Variants in ZNF514 observed in about 807,000 individuals in gnomAD.
ZNF514 encodes the protein zinc finger protein 514.
In ZNF514, 12 loss-of-function variants were observed where a neutral mutation model predicts 9.7. That is an observed-to-expected ratio of 1.24 (90% confidence interval 0.79 to 2.01). The LOEUF is 2.01. Among genes scored for constraint, ZNF514 ranks in the 30% most tolerant of loss-of-function variants. The pLI is 0.00. For missense variants in ZNF514, 467 were observed against 465.5 expected (o/e 1.00, Z -0.03); for synonymous variants, 158 against 163.7 (o/e 0.97, Z 0.27).
chr2:95,139,506 C>A, the ZNF514 span, among the ~76,000 whole-genome samples: 1 of 152,212 alleles, frequency 6.6e-6, no homozygotes, highest in East Asian at 1.9e-4. Flanking sequence ...TGCATGGGGA[C>A]TGTAGCCCCT....
chr2:95,153,132 C>T lies in ZNF514; in HGVS notation c.121+1G>A, dbSNP rs746730734. On this transcript the variant is annotated splice_donor_variant, in intron 3 of 4. Transcript: ENST00000295208. LOFTEE classifies it high-confidence loss of function. ...GTGGGCTTTGGAGGGCTTGTGCTCA[C>T]CCAGAATGGCCAAGTTCCTGAAGTT... 2.5e-6 allele frequency: 4 copies of T among 1,611,402 alleles called. No homozygotes were observed. In the Admixed American group the frequency reaches 5.0e-5, roughly 20 times the overall value.
the ZNF514 span, among the ~76,000 whole-genome samples, chr2:95,124,943 G>A: frequency 1.3e-5 from 2 of 149,356 alleles, no homozygotes; most frequent in Admixed American, 1.3e-4. Context: ...GTGCAATAGC[G>A]CGATCTCGGC....
In ZNF514 at chr2:95,148,808, C is replaced by T. The variant is rs1673434584; in HGVS notation, c.*474G>A. On this transcript the variant is annotated 3_prime_UTR_variant, in exon 5 of 5. Transcript: ENST00000295208. Reference sequence around the variant, plus strand: ...AAGGCCTTCCTCTATTTCCTGCTTTCATAGGGCCTCTCTCTAGTATGTGTT... The same window carrying T: ...AAGGCCTTCCTCTATTTCCTGCTTTTATAGGGCCTCTCTCTAGTATGTGTT... 1 of 153,644 alleles carries T rather than the reference C, an allele frequency of 6.5e-6. No homozygotes were observed. Among genetic ancestry groups the T allele is most frequent in the Non-Finnish European group, 1.4e-5 (1 of 69,068 alleles). The allele number at this position is 153,644 out of a possible 1,614,324, so 9.5% of individuals were successfully genotyped here. A position where few individuals can be genotyped will look rare whatever the true frequency, so the allele number is the denominator to read the frequency against.
chr2:95,128,159 G>A, the ZNF514 span, among the ~76,000 whole-genome samples: 130 of 152,178 alleles, frequency 8.5e-4, no homozygotes, highest in African/African-American at 2.7e-3. Flanking sequence ...TGGGGAGGCC[G>A]AGATGGGCGG....
At chr2:95,125,665 A>G in the ZNF514 span, among the ~76,000 whole-genome samples, 1 of 152,238 alleles carries the variant, frequency 6.6e-6, no homozygotes, top group Non-Finnish European at 1.5e-5. Context: ...CCATTAAACA[A>G]TAACTCCCCA....
chr2:95,125,378 C>T, the ZNF514 span, among the ~76,000 whole-genome samples: 4 of 151,588 alleles, frequency 2.6e-5, no homozygotes, highest in Admixed American at 6.6e-5. Flanking sequence ...GTAGCTGGGA[C>T]TACAGGCGCC....
Position 95,149,428 on chromosome 2 carries a change from A to T in ZNF514, c.1057T>A (p.Phe353Ile). ...TGAGTGAGAGATGAACTCTGGCTGAAGGCTCTCCCACATTTATTACATTTG... is the reference window on the plus strand; with the variant it reads ...TGAGTGAGAGATGAACTCTGGCTGATGGCTCTCCCACATTTATTACATTTG... ...PYKCNKCGRA[F>I]SQSSSLTQHY... Residue 353 changes from phenylalanine (F) to isoleucine (I), a missense_variant, in exon 5 of 5, where the codon TTC (phenylalanine) becomes ATC (isoleucine). Coordinates refer to ENST00000295208, the MANE Select transcript of ZNF514 (RefSeq NM_032788.3). 1.2e-6 allele frequency: 2 copies of T among 1,614,044 alleles called. No homozygotes were observed. The highest frequency in any genetic ancestry group is 1.7e-6 in the Non-Finnish European group (2 of 1,180,004).
chr2:95,138,113 AC>A, the ZNF514 span, among the ~76,000 whole-genome samples: 1 of 152,322 alleles, frequency 6.6e-6, no homozygotes, highest in South Asian at 2.1e-4. Context: ...AGAACTATGA[AC>A]CAGTTGAACC....
At position 95,145,654 on chromosome 2, in the gene ZNF514, TC is replaced by T. The variant is rs1452834918; in HGVS notation, c.*3627del. On this transcript the variant is annotated 3_prime_UTR_variant, in exon 5 of 5. Transcript: ENST00000295208. ...AGGCCCTCCCTCTGTCCCTGTCCCT[TC>T]CCCACCAGCTTCAAGTTGTCCTGCC... Among the ~76,000 whole-genome samples the T allele has an allele frequency of 2.0e-5, 3 of 152,108 alleles. No homozygotes were observed. The highest frequency in any genetic ancestry group is 4.4e-5 in the Non-Finnish European group (3 of 68,018).
chr2:95,133,693 T>C, the ZNF514 span, among the ~76,000 whole-genome samples: 1 of 152,194 alleles, frequency 6.6e-6, no homozygotes, highest in Non-Finnish European at 1.5e-5. Flanking sequence ...CTACATAGCA[T>C]TTACATTGTA....
chr2:95,123,353 C>T, the ZNF514 span, among the ~76,000 whole-genome samples: 1 of 152,226 alleles, frequency 6.6e-6, no homozygotes, highest in African/African-American at 2.4e-5. Context: ...ACCATCCAGC[C>T]AAGTCATTAG....
Position 95,150,048 on chromosome 2 carries a change from G to T in ZNF514, c.437C>A (p.Thr146Asn). 6.2e-7 allele frequency: 1 copy of T among 1,614,122 alleles called. No homozygotes were observed. The stretch of plus-strand genomic sequence containing the variant: ...ATTCCATTTATAATCTCTGCTAAGG[G>T]TGGTGGCAGATTTGTGAATGGTTGA... ...QMSTIHKSAT[T>N]LSRDYKWNGF... Residue 146 changes from threonine to asparagine, a missense_variant, in exon 5 of 5, where the codon ACC (threonine) becomes AAC (asparagine). Transcript: ENST00000295208.
At chr2:95,136,070 T>C in the ZNF514 span, among the ~76,000 whole-genome samples, 26 of 152,122 alleles carry the variant, frequency 1.7e-4, no homozygotes, top group East Asian at 3.9e-3. Context: ...CTCAAAAAAA[T>C]AAAAATTAAA....
At chr2:95,150,932 C>T (rs1005283372) in intron 4 of ZNF514, among the ~76,000 whole-genome samples, 5 of 152,326 alleles carry the variant, frequency 3.3e-5, no homozygotes, top group African/African-American at 1.2e-4. Flanking sequence ...CTGCCCCTCT[C>T]ACCACTCTCT....
chr2:95,128,972 G>T, the ZNF514 span, among the ~76,000 whole-genome samples: 1 of 152,194 alleles, frequency 6.6e-6, no homozygotes, highest in Non-Finnish European at 1.5e-5. Flanking sequence ...ATCTCCCCAA[G>T]CCTTTGGATC....
downstream of ZNF514, among the ~76,000 whole-genome samples, chr2:95,142,749 GCTTA>G (rs1165944678): frequency 6.6e-6 from 1 of 152,182 alleles, no homozygotes; most frequent in Non-Finnish European, 1.5e-5. Context: ...TTGAGGAATT[GCTTA>G]CTTACTGTTT....
At chr2:95,129,663 CAG>C in the ZNF514 span, among the ~76,000 whole-genome samples, 1 of 152,132 alleles carries the variant, frequency 6.6e-6, no homozygotes, top group Non-Finnish European at 1.5e-5. Context: ...ATTCATTGGA[CAG>C]GGATTCCACA....
At chr2:95,158,922 C>A in intron 1 of ZNF514, 2 of 1,289,776 alleles carry the variant, frequency 1.6e-6, no homozygotes, top group Non-Finnish European at 2.0e-6. Context: ...GGTACTAGCT[C>A]CCCAAGAGGG....
At position 95,153,097 on chromosome 2, in the gene ZNF514, G is replaced by T. The variant is rs765950441; in HGVS notation, c.121+36C>A. ...TCTTAAACATCAAGGAAATCAAGAA[G>T]TCCTGCTGGGTGGGCTTTGGAGGGC... On this transcript the variant is annotated intron_variant, in intron 3 of 4. Transcript: ENST00000295208. 3.8e-6 allele frequency: 6 copies of T among 1,594,204 alleles called. No homozygotes were observed. In the East Asian group the frequency reaches 1.3e-4, roughly 36 times the overall value.
Sources: allele counts gnomAD v4.1 joint callset (sites outside exome capture counted in the v4.1 genomes callset), GRCh38; gene constraint gnomAD v4.1.1; transcripts MANE v1.5; gene names NCBI Gene and HGNC (gene_info 2026-07-23, HGNC 2026-07-21).